The following IRAK2 variants were observed in gnomAD, a reference collection of about 807,000 sequenced individuals.
IRAK2 encodes the protein interleukin 1 receptor associated kinase 2, also known as interleukin-1 receptor-associated kinase-like 2.
A neutral mutation model predicts 72.0 loss-of-function variants in IRAK2; 57 were observed. The ratio of observed to expected loss-of-function variants is 0.79; its 90% confidence interval spans 0.64 to 0.99. The LOEUF (loss-of-function observed/expected upper bound fraction) is 0.99. Among genes scored for constraint, IRAK2 ranks in the 50% least tolerant of loss-of-function variants. The pLI, the probability that IRAK2 is intolerant of heterozygous loss-of-function variation, is 0.00. For missense variants in IRAK2, 790 were observed against 794.4 expected (o/e 0.99, Z 0.07); for synonymous variants, 293 against 312.7 (o/e 0.94, Z 0.67).
At chr3:10,205,001 T>G (rs1697414927) in intron 3 of IRAK2, among the ~76,000 whole-genome samples, 1 of 152,094 alleles carries the variant, frequency 6.6e-6, no homozygotes, top group Admixed American at 6.6e-5. Context: ...CCTTAGCCAT[T>G]ATTTTAAAAC....
intron 2 of IRAK2, among the ~76,000 whole-genome samples, chr3:10,198,184 G>A (rs1446401490): frequency 6.6e-6 from 1 of 152,204 alleles, no homozygotes; most frequent in Non-Finnish European, 1.5e-5. Flanking sequence ...GGGCGACAGA[G>A]CGAGACTCCG....
At chr3:10,177,709 G>T in intron 1 of IRAK2, 129 bp from the exon 2 acceptor site, 1 of 854,588 alleles carries the variant, frequency 1.2e-6, no homozygotes. Flanking sequence ...GCTAATGGTG[G>T]TGTTTCCAGT....
At chr3:10,233,504 A>G (rs1192098941) in intron 10 of IRAK2, among the ~76,000 whole-genome samples, 1 of 152,162 alleles carries the variant, frequency 6.6e-6, no homozygotes, top group Non-Finnish European at 1.5e-5. Flanking sequence ...GTTCTATTGT[A>G]TGCATAGTTC....
chr3:10,220,845 G>A (rs1349517940), intron 8 of IRAK2, among the ~76,000 whole-genome samples: 2 of 152,108 alleles, frequency 1.3e-5, no homozygotes, highest in East Asian at 3.8e-4. Context: ...TCATCAGCTG[G>A]CCTCTAGGTT....
At chr3:10,192,023 AGTGTGTGTGT>A (rs56802078) in intron 2 of IRAK2, among the ~76,000 whole-genome samples, 10 of 135,708 alleles carry the variant, frequency 7.4e-5, no homozygotes, top group South Asian at 2.4e-4. Flanking sequence ...TTGAGTTGGG[AGTGTGTGTGT>A]GTGTGTGTGT....
In IRAK2 at chr3:10,212,795, C is replaced by T. The variant is rs560772766; in HGVS notation, c.529-412C>T. Among the ~76,000 whole-genome samples the T allele has an allele frequency of 1.0e-4, 14 of 135,160 alleles. No individual in the cohort carries two copies. In the East Asian group the frequency reaches 2.5e-3, roughly 24 times the overall value. The allele number at this position is 135,160 out of a possible 152,430, so 88.7% of individuals were successfully genotyped here. On this transcript the variant is annotated intron_variant, in intron 4 of 12. Coordinates refer to ENST00000256458, the MANE Select transcript of IRAK2 (RefSeq NM_001570.4). Reference sequence around the variant, plus strand: ...TTTTTTTTTTTTTGAGACAGAGTCTCGCTCTGTCACCCAGGCTGGAGTGCA... The same window carrying T: ...TTTTTTTTTTTTTGAGACAGAGTCTTGCTCTGTCACCCAGGCTGGAGTGCA...
intron 11 of IRAK2, 144 bp downstream of exon 11, chr3:10,234,803 C>T (rs1167179881): frequency 2.7e-6 from 2 of 749,386 alleles, no homozygotes; most frequent in Non-Finnish European, 4.3e-6. Context: ...TCCCATCAGC[C>T]AAAGGGCGGT....
chr3:10,192,791 T>C (rs1697198070), intron 2 of IRAK2, among the ~76,000 whole-genome samples: 1 of 152,194 alleles, frequency 6.6e-6, no homozygotes, highest in Non-Finnish European at 1.5e-5. Context: ...TGATGGTGTC[T>C]GCCTGTAATC....
intron 1 of IRAK2, among the ~76,000 whole-genome samples, chr3:10,165,988 C>G (rs1696682443): frequency 6.6e-6 from 1 of 151,994 alleles, no homozygotes; most frequent in Non-Finnish European, 1.5e-5. Flanking sequence ...CTGGGCCTCC[C>G]AAAGTGCTGG....
chr3:10,238,839 C>A lies in IRAK2; in HGVS notation c.1565C>A (p.Ser522Tyr). The part of the protein sequence containing the change: ...WSGLSEGTGS[S>Y]SNTPEETDDV... Reference sequence around the variant, plus strand: ...GGGCTTTCTGAGGGTACAGGCTCTTCTTCCAACACCCCAGAGGAAACAGAC... The same window carrying A: ...GGGCTTTCTGAGGGTACAGGCTCTTATTCCAACACCCCAGAGGAAACAGAC... The change falls in exon 12 of 13, where the codon TCT becomes TAT. Residue 522 changes from serine (S) to tyrosine (Y), a missense_variant. Ser to Tyr is a moderately radical substitution (Grantham distance 144, BLOSUM62 -2). Coordinates refer to ENST00000256458, the MANE Select transcript of IRAK2 (RefSeq NM_001570.4). 1 of 1,614,062 alleles carries A rather than the reference C, an allele frequency of 6.2e-7. No homozygotes were observed. Among genetic ancestry groups the A allele is most frequent in the Non-Finnish European group, 8.5e-7 (1 of 1,179,994 alleles).
chr3:10,234,351 G>T (rs1697914796), intron 10 of IRAK2, 108 bp from the exon 11 acceptor site: 1 of 805,604 alleles, frequency 1.2e-6, no homozygotes, highest in South Asian at 1.5e-5. Flanking sequence ...ACGATGTCCG[G>T]TCGGTTTTCT....
chr3:10,200,398 A>C lies in IRAK2; in HGVS notation c.307A>C (p.Ile103Leu), dbSNP rs906718807. 1.2e-6 allele frequency: 2 copies of C among 1,601,422 alleles called. No homozygotes were observed. Among genetic ancestry groups the C allele is most frequent in the African/African-American group, 2.7e-5 (2 of 74,538 alleles). Residue 103 changes from isoleucine to leucine, a missense_variant, in exon 3 of 13, where the codon ATT becomes CTT. Transcript: ENST00000256458. ...ACCGGCTCCTGAAATCAGGTGTCCC[A>C]TTCCAGCCTTCCCTGACTCTGTGAA... ...WKPAPEIRCPIPAFPDSVKPE... is the reference protein window; with the variant it reads ...WKPAPEIRCPLPAFPDSVKPE...
rs912950951 is a variant in IRAK2 at position 10,183,909 on chromosome 3, C to T, written c.277+5889C>T. Among the ~76,000 whole-genome samples the T allele has an allele frequency of 2.6e-5, 4 of 152,078 alleles. No homozygotes were observed. The East Asian group carries it at 7.7e-4, about 29-fold the overall frequency. ...TCCAGGTTCACTACTGTAAAACAAG[C>T]GCAGACCACAGTGGCTGAGAAAAGA... On this transcript the variant is annotated intron_variant, in intron 2 of 12. Coordinates refer to ENST00000256458, the MANE Select transcript of IRAK2 (RefSeq NM_001570.4).
intron 2 of IRAK2, among the ~76,000 whole-genome samples, chr3:10,198,863 G>A (rs748112086): frequency 5.9e-5 from 9 of 152,226 alleles, no homozygotes; most frequent in Non-Finnish European, 1.0e-4. Context: ...GACATCAAGC[G>A]AGTCAGCAGC....
At chr3:10,182,764 C>A (rs1297428155) in intron 2 of IRAK2, among the ~76,000 whole-genome samples, 1 of 151,622 alleles carries the variant, frequency 6.6e-6, no homozygotes, top group Admixed American at 6.6e-5. Flanking sequence ...CAAACAGATG[C>A]CCACTAATTT....
chr3:10,184,557 C>T (rs981574284), intron 2 of IRAK2, among the ~76,000 whole-genome samples: 2 of 151,604 alleles, frequency 1.3e-5, no homozygotes, highest in South Asian at 4.1e-4. Context: ...TCCCCTTCCC[C>T]CAGCACACCC....
rs188845867 is a variant in IRAK2, at chr3:10,207,390, C to T, written c.425-2199C>T. Among the ~76,000 whole-genome samples the T allele has an allele frequency of 1.7e-3, 259 of 152,248 alleles. 6 individuals are homozygous for T. In the South Asian group the frequency reaches 0.043, roughly 25 times the overall value. On this transcript the variant is annotated intron_variant, in intron 3 of 12. Coordinates refer to ENST00000256458, the MANE Select transcript of IRAK2 (RefSeq NM_001570.4). ...CAGTTTCCTTTGGAAGGGTCAGGTC[C>T]CCAGTTACTCAGAAGCTGTCCTTGC...
intron 10 of IRAK2, among the ~76,000 whole-genome samples, chr3:10,233,638 C>G (rs1469004455): frequency 6.6e-6 from 1 of 152,042 alleles, no homozygotes; most frequent in Non-Finnish European, 1.5e-5. Context: ...CAGAATCCTA[C>G]ATTTGAAATG....
At chr3:10,175,821 C>T (rs1430085414) in intron 1 of IRAK2, among the ~76,000 whole-genome samples, 4 of 133,714 alleles carry the variant, frequency 3.0e-5, no homozygotes, top group East Asian at 2.4e-4. Flanking sequence ...ACCCGGGAGG[C>T]GGAGCTTGCA....
Sources: allele counts gnomAD v4.1 joint callset (sites outside exome capture counted in the v4.1 genomes callset), GRCh38; gene constraint gnomAD v4.1.1; transcripts MANE v1.5; gene names NCBI Gene and HGNC (gene_info 2026-07-23, HGNC 2026-07-21).